Variants in EIF2S3B observed in about 807,000 individuals in gnomAD.
EIF2S3B encodes the protein eukaryotic translation initiation factor 2 subunit 3B.
Under a neutral mutation model 26.4 loss-of-function variants are expected in EIF2S3B, and 16 were observed. The ratio of observed to expected loss-of-function variants is 0.61; its 90% CI spans 0.41 to 0.92. EIF2S3B has a LOEUF of 0.92. Ranked by LOEUF, EIF2S3B falls within the 40% of genes least tolerant of loss-of-function variation. EIF2S3B has a pLI of 0.00. For missense variants in EIF2S3B, 510 were observed against 575.5 expected (o/e 0.89, Z 1.16); for synonymous variants, 183 against 204.4 (o/e 0.90, Z 0.89).
intron 1 of EIF2S3B, among the ~76,000 whole-genome samples, chr12:10,521,663 A>G (rs1189873029): frequency 2.0e-5 from 3 of 152,190 alleles, no homozygotes; most frequent in African/African-American, 4.8e-5. Context: ...TTCCTTTTCT[A>G]AGTTAACTAA....
chr12:10,516,157 A>G (rs1338081154), intron 1 of EIF2S3B, among the ~76,000 whole-genome samples: 1 of 152,074 alleles, frequency 6.6e-6, no homozygotes, highest in East Asian at 1.9e-4. Flanking sequence ...ACATAATAAA[A>G]TCATTTTCAT....
chr12:10,519,829 A>G (rs1483742407), intron 1 of EIF2S3B, among the ~76,000 whole-genome samples: 37 of 151,694 alleles, frequency 2.4e-4, no homozygotes, highest in African/African-American at 8.4e-4. Context: ...CACACCAGTT[A>G]GAATGGCAAT....
chr12:10,509,686 C>T (rs967021941), downstream of EIF2S3B, among the ~76,000 whole-genome samples: 1 of 151,850 alleles, frequency 6.6e-6, no homozygotes, highest in African/African-American at 2.4e-5. Context: ...CCACCATATT[C>T]GTAGTTATAT....
chr12:10,507,436 C>A lies in EIF2S3B; in HGVS notation c.*115C>A. 8.0e-7 allele frequency: 1 copy of A among 1,243,612 alleles called. No homozygotes were observed. Among genetic ancestry groups the A allele is most frequent in the Non-Finnish European group, 1.2e-6 (1 of 865,428 alleles). The allele number at this position is 1,243,612 out of a possible 1,614,324, so 77.0% of individuals were successfully genotyped here. ...GGGAATTGATTTCACAGTTTGTTAC[C>A]TTAGTAGGTAACGGTAAGGTTATTC... is the stretch of plus-strand genomic sequence containing the variant. On this transcript the variant is annotated 3_prime_UTR_variant, in exon 1 of 1. Transcript: ENST00000538173.
chr12:10,522,886 T>A, exon 2 of EIF2S3B: 1 of 430,392 alleles, frequency 2.3e-6, no homozygotes, highest in East Asian at 3.5e-5. Flanking sequence ...TCATGTTTAT[T>A]ATTTATATCA....
rs746895233 is a variant in EIF2S3B, at chr12:10,506,948, G to A, written c.1046G>A (p.Arg349Gln). 29 of 1,613,664 alleles carry A rather than the reference G, an allele frequency of 1.8e-5. No homozygotes were observed. Among genetic ancestry groups the A allele is most frequent in the East Asian group, 1.1e-4 (5 of 44,890 alleles). Residue 349 changes from arginine to glutamine, a missense_variant, in exon 1 of 1, where the codon CGG (arginine) becomes CAG (glutamine). Physicochemically the swap from Arg to Gln is conservative, Grantham distance 43. Transcript: ENST00000538173. ...ACAAAAATTGACCCCACTTTGTGCCGGGCTGACAGAATGGTGGGGCAAATA... is the reference window on the plus strand; with the variant it reads ...ACAAAAATTGACCCCACTTTGTGCCAGGCTGACAGAATGGTGGGGCAAATA... ...VGTKIDPTLC[R>Q]ADRMVGQILG... is the part of the protein sequence containing the mutation.
downstream of EIF2S3B, among the ~76,000 whole-genome samples, chr12:10,510,429 C>T (rs1864693087): frequency 6.6e-6 from 1 of 152,132 alleles, no homozygotes; most frequent in African/African-American, 2.4e-5. Flanking sequence ...GAGACTAGAA[C>T]CCAGATCTTG....
At chr12:10,516,050 C>T (rs1224324585) in intron 1 of EIF2S3B, among the ~76,000 whole-genome samples, 1 of 151,156 alleles carries the variant, frequency 6.6e-6, no homozygotes, top group African/African-American at 2.4e-5. Flanking sequence ...TAAAATTTCA[C>T]TGGTAAGTAA....
At position 10,507,236 on chromosome 12, in the gene EIF2S3B, G is replaced by T. The variant is rs1338013869; in HGVS notation, c.1334G>T (p.Arg445Leu). The T allele has an allele frequency of 1.2e-6, 2 of 1,613,890 alleles. No individual in the cohort carries two copies. The highest frequency in any genetic ancestry group is 1.7e-6 in the Non-Finnish European group (2 of 1,179,774). The change falls in exon 1 of 1, where the codon CGA becomes CTA. Residue 445 changes from arginine to leucine, a missense_variant. Coordinates refer to ENST00000538173, the MANE Select transcript of EIF2S3B (RefSeq NM_001357734.3). ...GTAGGAGAAAAAATTGCCCTTAGCC[G>T]AAGAGTTGAAAAACACTGGCGTTTA... The part of the protein sequence containing the change: ...TEVGEKIALS[R>L]RVEKHWRLIG...
At chr12:10,513,830 C>T (rs1864728585) in intron 1 of EIF2S3B, among the ~76,000 whole-genome samples, 1 of 152,118 alleles carries the variant, frequency 6.6e-6, no homozygotes, top group South Asian at 2.1e-4. Flanking sequence ...GCCTGACCAA[C>T]ATGGTGAAAC....
intron 1 of EIF2S3B, among the ~76,000 whole-genome samples, chr12:10,514,078 G>A (rs1187956660): frequency 6.6e-6 from 1 of 152,004 alleles, no homozygotes; most frequent in African/African-American, 2.4e-5. Flanking sequence ...TCAATGCTTG[G>A]TAAATTTTTT....
chr12:10,513,438 G>C (rs1357559832), downstream of EIF2S3B, among the ~76,000 whole-genome samples: 2 of 152,168 alleles, frequency 1.3e-5, no homozygotes, highest in East Asian at 1.9e-4. Flanking sequence ...TTGTTCAGTG[G>C]GAAGAGAAAT....
At chr12:10,513,350 C>T (rs1176332091), downstream of EIF2S3B, among the ~76,000 whole-genome samples, 1 of 152,152 alleles carries the variant, frequency 6.6e-6, no homozygotes, top group East Asian at 1.9e-4. Flanking sequence ...AAACTAGTGG[C>T]TATCAGGCAT....
chr12:10,505,946 T>G lies in EIF2S3B; in HGVS notation c.44T>G (p.Leu15Arg). ...GGGGTGACTCTGGGGCAGCCGCACC[T>G]TTCGCGTCAGGATCTCACCACCTTG... ...EAGVTLGQPH[L>R]SRQDLTTLDV... Residue 15 changes from leucine to arginine, a missense_variant, in exon 1 of 1, where the codon CTT becomes CGT. By Grantham distance (102) the Leu-to-Arg change is moderately radical. Transcript: ENST00000538173. 1 of 1,603,030 alleles carries G rather than the reference T, an allele frequency of 6.2e-7. No homozygotes were observed. The highest frequency in any genetic ancestry group is 1.1e-5 in the South Asian group (1 of 90,864).
intron 1 of EIF2S3B, among the ~76,000 whole-genome samples, chr12:10,516,057 G>A (rs1864753375): frequency 6.6e-6 from 1 of 151,592 alleles, no homozygotes; most frequent in African/African-American, 2.4e-5. Context: ...TCACTGGTAA[G>A]TAAAGTGTAG....
At chr12:10,517,147 C>G (rs867992279) in intron 1 of EIF2S3B, among the ~76,000 whole-genome samples, 1 of 151,850 alleles carries the variant, frequency 6.6e-6, no homozygotes, top group Non-Finnish European at 1.5e-5. Flanking sequence ...GGGAGGATTC[C>G]CTCTTTTTCT....
chr12:10,508,525 C>CATAAAAAAAAA (rs1864671228), downstream of EIF2S3B, among the ~76,000 whole-genome samples: 1 of 62,972 alleles, frequency 1.6e-5, no homozygotes, highest in Non-Finnish European at 2.9e-5. Context: ...TGTTAGAAAG[C>CATAAAAAAAAA]AAAAAAAAAA....
At chr12:10,517,016 T>G (rs904589249) in intron 1 of EIF2S3B, among the ~76,000 whole-genome samples, 34 of 150,988 alleles carry the variant, frequency 2.3e-4, no homozygotes, top group African/African-American at 8.0e-4. Flanking sequence ...GGTTTGCCAG[T>G]ATTTTATTGA....
At chr12:10,522,379 T>G (rs1864841638) in intron 1 of EIF2S3B, among the ~76,000 whole-genome samples, 1 of 152,070 alleles carries the variant, frequency 6.6e-6, no homozygotes, top group African/African-American at 2.4e-5. Context: ...ATACATACTA[T>G]GTCTATAACT....
Sources: allele counts gnomAD v4.1 joint callset (sites outside exome capture counted in the v4.1 genomes callset), GRCh38; gene constraint gnomAD v4.1.1; transcripts MANE v1.5; gene names NCBI Gene and HGNC (gene_info 2026-07-23, HGNC 2026-07-21).